Variants in LINGO2 observed in about 807,000 individuals in gnomAD.
LINGO2 encodes the protein leucine-rich repeat and immunoglobulin-like domain-containing nogo receptor-interacting protein 2.
A neutral mutation model predicts 30.6 loss-of-function variants in LINGO2; 14 were observed. The ratio of observed to expected loss-of-function variants is 0.46; its 90% confidence interval spans 0.30 to 0.72. The LOEUF is 0.72. LINGO2 is among the 30% of genes least tolerant of loss of function. The probability of loss-of-function intolerance (pLI) is 0.07; values close to 1 mark genes in which losing one functional copy is unlikely to be tolerated. For synonymous variants in LINGO2, 317 were observed against 288.5 expected (o/e 1.10, Z -1.00); for missense variants, 729 against 751.7 (o/e 0.97, Z 0.35).
At chr9:28,049,169 C>T (rs1255429022) in intron 4 of LINGO2, among the ~76,000 whole-genome samples, 1 of 150,792 alleles carries the variant, frequency 6.6e-6, no homozygotes, top group Admixed American at 6.7e-5. Flanking sequence ...CATGGGACAA[C>T]ATCAAGAGCT....
intron 4 of LINGO2, among the ~76,000 whole-genome samples, chr9:28,208,975 T>C (rs1384813288): frequency 1.3e-5 from 2 of 152,058 alleles, no homozygotes; most frequent in Non-Finnish European, 2.9e-5. Flanking sequence ...GGTTTGTTCT[T>C]GTACAACCAA....
intron 4 of LINGO2, among the ~76,000 whole-genome samples, chr9:28,045,487 G>T (rs1440495232): frequency 2.0e-5 from 3 of 152,120 alleles, no homozygotes; most frequent in Non-Finnish European, 4.4e-5. Flanking sequence ...CAATGATACA[G>T]GGGAAAAGTA....
chr9:28,155,788 T>C (rs749973153), intron 4 of LINGO2, among the ~76,000 whole-genome samples: 20 of 152,204 alleles, frequency 1.3e-4, no homozygotes, highest in South Asian at 8.3e-4. Context: ...GTCACAGTCC[T>C]CATGAATGGG....
At chr9:28,989,620 T>C in the LINGO2 span, among the ~76,000 whole-genome samples, 2 of 152,204 alleles carry the variant, frequency 1.3e-5, no homozygotes, top group African/African-American at 2.4e-5. Context: ...CCTGTACACG[T>C]AATTGTTATT....
At chr9:28,248,750 G>A (rs1822093121) in intron 4 of LINGO2, among the ~76,000 whole-genome samples, 2 of 152,108 alleles carry the variant, frequency 1.3e-5, no homozygotes, top group African/African-American at 2.4e-5. Context: ...CAACTACTAT[G>A]TATCCAGAAA....
At chr9:28,006,869 T>C (rs932651567) in intron 5 of LINGO2, among the ~76,000 whole-genome samples, 1 of 152,142 alleles carries the variant, frequency 6.6e-6, no homozygotes, top group African/African-American at 2.4e-5. Flanking sequence ...CAAATGTTTA[T>C]GGTTGAACAA....
chr9:28,642,013 G>GCT (rs1563886717), intron 1 of LINGO2, among the ~76,000 whole-genome samples: 1 of 144,708 alleles, frequency 6.9e-6, no homozygotes, highest in Admixed American at 6.9e-5. Context: ...ATAATACTCT[G>GCT]TTTTTTTTTT....
the LINGO2 span, among the ~76,000 whole-genome samples, chr9:28,793,659 T>C: frequency 6.6e-6 from 1 of 152,120 alleles, no homozygotes; most frequent in Non-Finnish European, 1.5e-5. Context: ...GCCAAAGTAG[T>C]AGAGAGAAGA....
chr9:29,081,579 T>C, the LINGO2 span, among the ~76,000 whole-genome samples: 6 of 152,026 alleles, frequency 3.9e-5, no homozygotes, highest in Non-Finnish European at 7.4e-5. Flanking sequence ...AAGTTCTGGC[T>C]AGGGGAATCA....
At chr9:28,848,393 GTGTGTATA>G in the LINGO2 span, among the ~76,000 whole-genome samples, 7,864 of 66,230 alleles carry the variant, frequency 0.12, 401 homozygotes, top group Non-Finnish European at 0.15. Context: ...GTGTGTGTGT[GTGTGTATA>G]TATATATATA....
the LINGO2 span, among the ~76,000 whole-genome samples, chr9:28,996,838 A>G: frequency 6.6e-6 from 1 of 152,196 alleles, no homozygotes; most frequent in African/African-American, 2.4e-5. Flanking sequence ...TAGGATCACA[A>G]TGTAAGGAAG....
chr9:28,912,987 T>C, the LINGO2 span, among the ~76,000 whole-genome samples: 1 of 152,116 alleles, frequency 6.6e-6, no homozygotes, highest in Non-Finnish European at 1.5e-5. Flanking sequence ...TCTGGCACAA[T>C]AACCAGCCAC....
At chr9:28,430,109 C>CGCGCGCGCGTGTGT (rs569701444) in intron 2 of LINGO2, among the ~76,000 whole-genome samples, 17 of 136,204 alleles carry the variant, frequency 1.2e-4, no homozygotes, top group Non-Finnish European at 2.5e-4. Flanking sequence ...CGCGCGCGCG[C>CGCGCGCGCGTGTGT]GTGTGTGTGT....
At chr9:28,304,452 A>G (rs1366154351) in intron 3 of LINGO2, among the ~76,000 whole-genome samples, 1 of 151,844 alleles carries the variant, frequency 6.6e-6, no homozygotes, top group Non-Finnish European at 1.5e-5. Context: ...ATACACTTGG[A>G]TCAGTTTTAA....
At chr9:28,774,400 C>G in the LINGO2 span, among the ~76,000 whole-genome samples, 1 of 151,976 alleles carries the variant, frequency 6.6e-6, no homozygotes, top group Non-Finnish European at 1.5e-5. Flanking sequence ...ACGTATCCAA[C>G]AAAAATCTCA....
chr9:27,958,313 T>C (rs75370224), intron 5 of LINGO2, among the ~76,000 whole-genome samples: 3,233 of 152,314 alleles, frequency 0.021, 103 homozygotes, highest in African/African-American at 0.073. Context: ...TGTCATTTAT[T>C]GAATATTGTG....
At chr9:28,586,242 G>C (rs1379360683) in intron 1 of LINGO2, among the ~76,000 whole-genome samples, 2 of 151,752 alleles carry the variant, frequency 1.3e-5, no homozygotes, top group Non-Finnish European at 2.9e-5. Flanking sequence ...AGTTCTATAA[G>C]TCTCATTTAA....
chr9:28,090,292 A>G (rs981880930), intron 4 of LINGO2, among the ~76,000 whole-genome samples: 1 of 152,202 alleles, frequency 6.6e-6, no homozygotes, highest in African/African-American at 2.4e-5. Context: ...ATCCTTGATG[A>G]ACATCGATGC....
chr9:28,522,495 A>T (rs1341603341), intron 1 of LINGO2, among the ~76,000 whole-genome samples: 1 of 152,114 alleles, frequency 6.6e-6, no homozygotes, highest in Non-Finnish European at 1.5e-5. Context: ...TTAAAGAAAC[A>T]CTCCATCAGA....
Sources: allele counts gnomAD v4.1 joint callset (sites outside exome capture counted in the v4.1 genomes callset), GRCh38; gene constraint gnomAD v4.1.1; transcripts MANE v1.5; gene names NCBI Gene and HGNC (gene_info 2026-07-23, HGNC 2026-07-21).